AIFM2: variants seen among roughly 807,000 people sequenced by gnomAD.
AIFM2 encodes AIF family member 2, ferroptosis suppressor, also known as ferroptosis suppressor protein 1.
Under a neutral mutation model 35.7 loss-of-function variants are expected in AIFM2, and 38 were observed. The observed-to-expected ratio is 1.06, with a 90% CI of 0.82 to 1.39. The LOEUF (loss-of-function observed/expected upper bound fraction) is 1.39, where lower values mean the gene tolerates loss of function less well. Ranked by LOEUF, AIFM2 falls within the 40% of genes most tolerant of loss-of-function variation. The probability of loss-of-function intolerance (pLI) is 0.00; values close to 1 mark genes in which losing one functional copy is unlikely to be tolerated. For missense variants in AIFM2, 476 were observed against 491.2 expected (o/e 0.97, Z 0.29); for synonymous variants, 185 against 203.5 (o/e 0.91, Z 0.77).
chr10:70,121,119 G>C lies in AIFM2; in HGVS notation c.387C>G (p.Ile129Met). 1.2e-6 allele frequency: 2 copies of C among 1,610,384 alleles called. No individual in the cohort carries two copies. ...GCCTCACCATGTCCTCATAGGCCTG[G>C]ATAGCGGCCTGCTGGCTGGAAACCT... Reference protein sequence around the residue: ...FNEVSSQQAAIQAYEDMVRQV... With the variant: ...FNEVSSQQAAMQAYEDMVRQV... The change falls in exon 4 of 9, where the codon ATC becomes ATG. Residue 129 changes from isoleucine to methionine, a missense_variant. Coordinates refer to ENST00000307864, the MANE Select transcript of AIFM2 (RefSeq NM_032797.6).
chr10:70,123,896 G>A lies in AIFM2; in HGVS notation c.178+11C>T. On this transcript the variant is annotated intron_variant, in intron 2 of 8. Coordinates refer to ENST00000307864, the MANE Select transcript of AIFM2 (RefSeq NM_032797.6). ...CCCTCACAGAGACAGCCCCAGACGG[G>A]AGCACATTACCTGTCTCCACGGAGG... 1.9e-6 allele frequency: 3 copies of A among 1,552,028 alleles called. No homozygotes were observed. Among genetic ancestry groups the A allele is most frequent in the Non-Finnish European group, 2.6e-6 (3 of 1,144,432 alleles).
intron 3 of AIFM2, 126 bp from the exon 4 acceptor site, chr10:70,121,337 C>T (rs1388349611): frequency 1.5e-6 from 2 of 1,376,838 alleles, no homozygotes; most frequent in Admixed American, 3.1e-5. Context: ...GGCAAAGAGG[C>T]CCCTCTAGGC....
intron 1 of AIFM2, among the ~76,000 whole-genome samples, chr10:70,126,992 C>T (rs1194652387): frequency 2.0e-5 from 3 of 152,222 alleles, no homozygotes; most frequent in East Asian, 3.9e-4. Context: ...TAATCCCAAG[C>T]GTACCTCAGG....
Position 70,115,862 on chromosome 10 carries a change from T to C in AIFM2, c.770-742A>G, listed in dbSNP as rs2072430442. 2.6e-5 allele frequency among the ~76,000 whole-genome samples: 4 copies of C among 152,368 alleles called. No homozygotes were observed. In the South Asian group the frequency reaches 8.3e-4, roughly 32 times the overall value. On this transcript the variant is annotated intron_variant, in intron 7 of 8. Transcript: ENST00000307864. ...TTTTTTAAAGGGACTTTTAAAAACTTGTATTTGAAAATACAACATTAGGAC... is the reference window on the plus strand; with the variant it reads ...TTTTTTAAAGGGACTTTTAAAAACTCGTATTTGAAAATACAACATTAGGAC...
In AIFM2 at chr10:70,123,446, T is replaced by C. The variant is rs140958169; in HGVS notation, c.253A>G (p.Ile85Val). The stretch of plus-strand genomic sequence containing the variant: ...AGCACCATCTGGTTCTTCAGGTCTA[T>C]CCCCACTACTAGCCCCTGCCGGAAG... ...DNFRQGLVVGIDLKNQMVLLQ... is the reference protein window; with the variant it reads ...DNFRQGLVVGVDLKNQMVLLQ... The change falls in exon 3 of 9, where the codon ATA becomes GTA. Residue 85 changes from isoleucine (I) to valine (V), a missense_variant. Coordinates refer to ENST00000307864, the MANE Select transcript of AIFM2 (RefSeq NM_032797.6). The C allele has an allele frequency of 2.7e-4, 437 of 1,614,052 alleles. No individual in the cohort carries two copies. Among genetic ancestry groups the C allele is most frequent in the Non-Finnish European group, 3.5e-4 (416 of 1,180,030 alleles).
At chr10:70,115,382 C>T (rs925951707) in intron 7 of AIFM2, among the ~76,000 whole-genome samples, 1 of 152,222 alleles carries the variant, frequency 6.6e-6, no homozygotes, top group Non-Finnish European at 1.5e-5. Flanking sequence ...AAAATACCAA[C>T]AAGCCTCCTT....
At chr10:70,120,940 C>A in intron 4 of AIFM2, 152 bp downstream of exon 4, 1 of 1,362,228 alleles carries the variant, frequency 7.3e-7, no homozygotes, top group Non-Finnish European at 9.9e-7. Context: ...AGGTCTCTTC[C>A]CAGGAAAGTC....
At position 70,129,374 on chromosome 10, in the gene AIFM2, A is replaced by T. The variant is rs1402293096; in HGVS notation, c.-14+3360T>A. 5.3e-5 allele frequency among the ~76,000 whole-genome samples: 8 copies of T among 152,002 alleles called. No individual in the cohort carries two copies. In the East Asian group the frequency reaches 1.2e-3, roughly 22 times the overall value. On this transcript the variant is annotated intron_variant, in intron 1 of 8. Coordinates refer to ENST00000307864, the MANE Select transcript of AIFM2 (RefSeq NM_032797.6). The stretch of plus-strand genomic sequence containing the variant: ...GCCACGTTTTATATATATATATATA[A>T]AATATATGTTGCAGATTAGTTTGCC...
chr10:70,130,976 A>T (rs2072620845), intron 1 of AIFM2, among the ~76,000 whole-genome samples: 1 of 152,210 alleles, frequency 6.6e-6, no homozygotes, highest in Non-Finnish European at 1.5e-5. Context: ...TTGCTCAGTC[A>T]ATCCTGTTTT....
intron 8 of AIFM2, 82 bp downstream of exon 8, chr10:70,114,838 G>C (rs2072417191): frequency 8.2e-6 from 12 of 1,461,714 alleles, no homozygotes; most frequent in Admixed American, 1.9e-5. Context: ...CTAGTGGCCA[G>C]GTATGGGATA....
intron 1 of AIFM2, among the ~76,000 whole-genome samples, chr10:70,129,661 GATA>G (rs2072606625): frequency 6.6e-6 from 1 of 152,118 alleles, no homozygotes; most frequent in African/African-American, 2.4e-5. Context: ...AGTGGTCATA[GATA>G]ATGTTTTCAT....
chr10:70,115,249 C>G, intron 7 of AIFM2, 129 bp from the exon 8 acceptor site: 1 of 956,278 alleles, frequency 1.0e-6, no homozygotes, highest in East Asian at 2.6e-5. Flanking sequence ...TGAGGCATGA[C>G]CACCCCCTGG....
Position 70,117,619 on chromosome 10 carries a change from T to G in AIFM2, c.616+193A>C, listed in dbSNP as rs147552828. Among the ~76,000 whole-genome samples the G allele has an allele frequency of 6.6e-6, 1 of 152,328 alleles. No individual in the cohort carries two copies. The highest frequency in any genetic ancestry group is 2.4e-5 in the African/African-American group (1 of 41,574). ...CCCAGGGACGGGCACAACTTCCAGC[T>G]GGACAAGGCTCAGATGGGCTTTGAT... On this transcript the variant is annotated intron_variant, in intron 6 of 8. Coordinates refer to ENST00000307864, the MANE Select transcript of AIFM2 (RefSeq NM_032797.6). This position sits in a 1 kb window ranked among gnomAD's most constrained non-coding sequence, Gnocchi z 4.7.
chr10:70,132,672 GGGTCCC>G (rs1318906764), intron 1 of AIFM2, 56 bp downstream of exon 1: 1 of 152,190 alleles, frequency 6.6e-6, no homozygotes, highest in Non-Finnish European at 1.5e-5. Context: ...CCCCTCTTCC[GGGTCCC>G]GGTCCCGCCC....
At chr10:70,127,784 G>A (rs750132327) in intron 1 of AIFM2, among the ~76,000 whole-genome samples, 3 of 152,244 alleles carry the variant, frequency 2.0e-5, no homozygotes, top group Non-Finnish European at 4.4e-5. Flanking sequence ...GGTTCCCTGT[G>A]AAGGGCCTGG....
Position 70,115,119 on chromosome 10 carries a change from C to T in AIFM2, c.771G>A (p.Glu257=), listed in dbSNP as rs200104535. The part of the protein sequence containing the change: ...INSSAYRKAF[E]SRLASSGALR... ...GAGCACCACTGCTGGCTAGTCTGCT[C>T]TCTGCCAGAAGAAATGACACCGAAA... Residue 257 remains glutamate (E), a splice_region_variant and synonymous_variant, in exon 8 of 9, where the codon GAG becomes GAA. Transcript: ENST00000307864. The T allele has an allele frequency of 2.5e-6, 4 of 1,613,520 alleles. No individual in the cohort carries two copies. The highest frequency in any genetic ancestry group is 3.4e-6 in the Non-Finnish European group (4 of 1,179,806).
intron 1 of AIFM2, among the ~76,000 whole-genome samples, chr10:70,125,504 G>A (rs1043749618): frequency 2.3e-4 from 32 of 138,964 alleles, no homozygotes; most frequent in Non-Finnish European, 4.2e-4. Context: ...TATAGGCCCC[G>A]CTAATTGGGA....
intron 1 of AIFM2, 137 bp downstream of exon 1, chr10:70,132,596 GC>G (rs1259672439): frequency 2.0e-5 from 3 of 152,230 alleles, no homozygotes; most frequent in Non-Finnish European, 4.4e-5. Flanking sequence ...TCCTCGCAGC[GC>G]CACAACTGCG....
chr10:70,114,781 A>C, intron 8 of AIFM2, 139 bp downstream of exon 8: 1 of 1,117,664 alleles, frequency 8.9e-7, no homozygotes, highest in Non-Finnish European at 1.3e-6. Context: ...GCCTATTTTT[A>C]AAGAGCTCTA....
Sources: gnomAD v4.1 joint callset for allele counts (sites outside exome capture counted in the v4.1 genomes callset) on GRCh38, gnomAD v4.1.1 for gene constraint, Gnocchi (gnomAD v3.1) non-coding constraint, MANE v1.5 for transcripts, NCBI Gene and HGNC (gene_info 2026-07-23, HGNC 2026-07-21) for gene names.